SPTA1: variants seen among roughly 807,000 people sequenced by gnomAD.
The protein encoded by SPTA1 is spectrin alpha, erythrocytic 1.
SPTA1 carries 177 observed loss-of-function variants against 324.7 expected under a neutral mutation model. The observed-to-expected ratio is 0.55, with a 90% confidence interval of 0.48 to 0.62. SPTA1 has a LOEUF of 0.62. Ranked by LOEUF, SPTA1 falls within the 20% of genes least tolerant of loss-of-function variation. The pLI is 0.00. For missense variants in SPTA1, 3,162 were observed against 2,883.6 expected (o/e 1.10, Z -2.21); for synonymous variants, 1,195 against 1,041.3 (o/e 1.15, Z -2.84).
intron 16 of SPTA1, among the ~76,000 whole-genome samples, chr1:158,663,736 T>C (rs1310360917): frequency 6.6e-6 from 1 of 152,064 alleles, no homozygotes; most frequent in Non-Finnish European, 1.5e-5. Flanking sequence ...TTAGGACAAA[T>C]ACCTAATGCA....
Position 158,620,351 on chromosome 1 carries a change from C to T in SPTA1, c.6236G>A (p.Arg2079Gln), listed in dbSNP as rs754206036. Reference protein sequence around the residue: ...PVHCVSLNEIRQLQKDHEDFL... With the variant: ...PVHCVSLNEIQQLQKDHEDFL... ...GTCCTCATGGTCTTTCTGCAGCTGC[C>T]GAATTTCATTCAGGGAGACACAGTG... The change falls in exon 44 of 52, where the codon CGG (arginine) becomes CAG (glutamine). Residue 2079 changes from arginine (R) to glutamine (Q), a missense_variant. By Grantham distance (43) the Arg-to-Gln change is conservative. Transcript: ENST00000643759. 1.4e-5 allele frequency: 23 copies of T among 1,613,862 alleles called. No individual in the cohort carries two copies. Among genetic ancestry groups the T allele is most frequent in the South Asian group, 1.3e-4 (12 of 91,066 alleles).
Position 158,666,318 on chromosome 1 carries a change from G to C in SPTA1, c.2218C>G (p.Gln740Glu), listed in dbSNP as rs752758421. Residue 740 changes from glutamine to glutamate, a missense_variant and splice_region_variant, in exon 16 of 52, where the codon CAG (glutamine) becomes GAG (glutamate). Transcript: ENST00000643759. ...TGGCCAAAGAGCTAACAACAAACCT[G>C]ACGAGCAGCCACAGCCGACTCCAGG... ...GLLESAVAAR[Q>E]DQVDILTDLA... is the part of the protein sequence containing the mutation. 6.2e-7 allele frequency: 1 copy of C among 1,613,342 alleles called. No homozygotes were observed. The highest frequency in any genetic ancestry group is 8.5e-7 in the Non-Finnish European group (1 of 1,179,910).
chr1:158,664,467 G>A (rs868463301), intron 16 of SPTA1, among the ~76,000 whole-genome samples: 1 of 152,146 alleles, frequency 6.6e-6, no homozygotes, highest in Non-Finnish European at 1.5e-5. Flanking sequence ...TCATAAGTAG[G>A]AGTTGAACAA....
At chr1:158,642,259 T>C in intron 33 of SPTA1, 152 bp downstream of exon 33, 1 of 750,702 alleles carries the variant, frequency 1.3e-6, no homozygotes, top group Non-Finnish European at 1.8e-6. Context: ...TGTATACATA[T>C]GTAACAAACC....
At chr1:158,638,919 C>T (rs1316945571) in intron 35 of SPTA1, among the ~76,000 whole-genome samples, 1 of 152,102 alleles carries the variant, frequency 6.6e-6, no homozygotes, top group Admixed American at 6.6e-5. Context: ...GGGCAACATT[C>T]TTAGCTGCCC....
At chr1:158,616,267 TTCTTC>T (rs1649551540) in intron 47 of SPTA1, among the ~76,000 whole-genome samples, 1 of 152,188 alleles carries the variant, frequency 6.6e-6, no homozygotes, top group Non-Finnish European at 1.5e-5. Context: ...TCAAAGTATT[TTCTTC>T]TAGCTATTTT....
rs370169350 is a variant in SPTA1, at chr1:158,626,993, T to C, written c.5679A>G (p.Glu1893=). The change falls in exon 41 of 52, where the codon GAA becomes GAG. Residue 1893 remains glutamate, a synonymous_variant. Coordinates refer to ENST00000643759, the MANE Select transcript of SPTA1 (RefSeq NM_003126.4). ...EDILNKVLQE[E]SQNKEISSKI... Reference sequence around the variant, plus strand: ...TGGAAGAAATCTCTTTGTTCTGACTTTCCTCCTGCAACACCTGTGAGAAGG... The same window carrying C: ...TGGAAGAAATCTCTTTGTTCTGACTCTCCTCCTGCAACACCTGTGAGAAGG... The C allele has an allele frequency of 1.9e-6, 3 of 1,613,748 alleles. No homozygotes were observed. Among genetic ancestry groups the C allele is most frequent in the Non-Finnish European group, 2.5e-6 (3 of 1,179,786 alleles).
chr1:158,645,270 T>A lies in SPTA1; in HGVS notation c.4112A>T (p.Gln1371Leu). The change falls in exon 29 of 52, where the codon CAA becomes CTA. Residue 1371 changes from glutamine (Q) to leucine (L), a missense_variant. Coordinates refer to ENST00000643759, the MANE Select transcript of SPTA1 (RefSeq NM_003126.4). ...HASPEIEKKL[Q>L]AVKLERDDLE... ...ATCATCTCTCTCTAGCTTGACAGCT[T>A]GAAGCTTTTTTTCAATTTCAGGGCT... 1 of 1,614,066 alleles carries A rather than the reference T, an allele frequency of 6.2e-7. No individual in the cohort carries two copies. Among genetic ancestry groups the A allele is most frequent in the Non-Finnish European group, 8.5e-7 (1 of 1,179,964 alleles).
chr1:158,620,580 T>A, intron 43 of SPTA1, 114 bp from the exon 44 acceptor site: 1 of 1,347,100 alleles, frequency 7.4e-7, no homozygotes, highest in Non-Finnish European at 1.0e-6. Context: ...GCCACCAATC[T>A]AAAAGGGCAG....
At chr1:158,667,788 G>A in intron 15 of SPTA1, 70 bp downstream of exon 15, 3 of 1,514,016 alleles carry the variant, frequency 2.0e-6, no homozygotes, top group Non-Finnish European at 2.7e-6. Flanking sequence ...TAAATTTACA[G>A]TGGTAAAGAT....
Position 158,613,870 on chromosome 1 carries a change from A to G in SPTA1, c.6843-3T>C. 6.2e-7 allele frequency: 1 copy of G among 1,613,314 alleles called. No individual in the cohort carries two copies. Among genetic ancestry groups the G allele is most frequent in the South Asian group, 1.1e-5 (1 of 90,968 alleles). Reference sequence around the variant, plus strand: ...CTGTCAAATTCTCATCAAAGTGTCTAAAGGATAAAAAAAGAAAAAAAAATT... The same window carrying G: ...CTGTCAAATTCTCATCAAAGTGTCTGAAGGATAAAAAAAGAAAAAAAAATT... On this transcript the variant is annotated splice_polypyrimidine_tract_variant and splice_region_variant and intron_variant, in intron 49 of 51. Coordinates refer to ENST00000643759, the MANE Select transcript of SPTA1 (RefSeq NM_003126.4).
chr1:158,663,429 T>G lies in SPTA1; in HGVS notation c.2221-484A>C, dbSNP rs1653384708. On this transcript the variant is annotated intron_variant, in intron 16 of 51. Coordinates refer to ENST00000643759, the MANE Select transcript of SPTA1 (RefSeq NM_003126.4). ...TGAAACGTGATGTTATAAAAAATTG[T>G]CAGAAGCTCAGAAAGATAAATTTAA... Among the ~76,000 whole-genome samples the G allele has an allele frequency of 1.3e-5, 2 of 152,164 alleles. 1 individual carries two copies. The highest frequency in any genetic ancestry group is 4.1e-4 in the South Asian group (2 of 4,826).
Position 158,683,332 on chromosome 1 carries a change from T to C in SPTA1, c.390+39A>G, listed in dbSNP as rs767029279. On this transcript the variant is annotated intron_variant, in intron 3 of 51. Transcript: ENST00000643759. ...ATCAGTTAAAACCCTGATAACATAATCAATAATTGGAAACTTCTTCAAGGG... is the reference window on the plus strand; with the variant it reads ...ATCAGTTAAAACCCTGATAACATAACCAATAATTGGAAACTTCTTCAAGGG... 6.8e-6 allele frequency: 11 copies of C among 1,612,162 alleles called. No homozygotes were observed. In the East Asian group the frequency reaches 2.2e-4, roughly 33 times the overall value.
Position 158,676,124 on chromosome 1 carries a change from G to GGGGAGGGATTTCCCACCAATA in SPTA1, c.1108_1112+16dup. 1 of 1,613,160 alleles carries GGGGAGGGATTTCCCACCAATA rather than the reference G, an allele frequency of 6.2e-7. No homozygotes were observed. The highest frequency in any genetic ancestry group is 1.7e-5 in the Admixed American group (1 of 59,972). ...CTGTAGAGATAGGTAGAGCAATAAA[G>GGGGAGGGATTTCCCACCAATA]GGGAGGGATTTCCCACCAATAAGTA... On this transcript the variant is annotated intron_variant, in intron 8 of 51. Transcript: ENST00000643759.
intron 33 of SPTA1, among the ~76,000 whole-genome samples, chr1:158,641,190 T>C (rs1463190101): frequency 6.6e-6 from 1 of 152,042 alleles, no homozygotes; most frequent in Non-Finnish European, 1.5e-5. Flanking sequence ...ATGTTAGACC[T>C]AAAACCATAA....
At chr1:158,682,625 T>C (rs192891122) in intron 3 of SPTA1, among the ~76,000 whole-genome samples, 1 of 152,266 alleles carries the variant, frequency 6.6e-6, no homozygotes, top group Admixed American at 6.5e-5. Flanking sequence ...GACCCAGTTT[T>C]AAGATATATA....
rs1245470074 is a variant in SPTA1, at chr1:158,637,952, T to A, written c.5189+81A>T. On this transcript the variant is annotated intron_variant, in intron 36 of 51. Transcript: ENST00000643759. ...CTTCAAGAAACAAGTACAAATTTCA[T>A]TTCAGCATAAATTGGAACAAGTTTG... 2.0e-6 allele frequency: 3 copies of A among 1,467,320 alleles called. No homozygotes were observed. The East Asian group carries it at 6.8e-5, about 33-fold the overall frequency. The allele number at this position is 1,467,320 out of a possible 1,614,324, so 90.9% of individuals were successfully genotyped here.
Position 158,677,682 on chromosome 1 carries a change from C to T in SPTA1, c.957+8G>A, listed in dbSNP as rs763322885. 23 of 1,612,920 alleles carry T rather than the reference C, an allele frequency of 1.4e-5. No individual in the cohort carries two copies. Among genetic ancestry groups the T allele is most frequent in the South Asian group, 5.5e-5 (5 of 91,006 alleles). On this transcript the variant is annotated splice_region_variant and intron_variant, in intron 7 of 51. Transcript: ENST00000643759. ...AACGGGTTAGCCATTTCTCTAACAG[C>T]GCATTACCTTGTCACTCATGACAGC...
rs755562804 is a variant in SPTA1 at position 158,672,095 on chromosome 1, G to C, written c.1452C>G (p.Asp484Glu). 3.5e-5 allele frequency: 56 copies of C among 1,614,024 alleles called. No individual in the cohort carries two copies. The highest frequency in any genetic ancestry group is 4.7e-5 in the Non-Finnish European group (56 of 1,179,970). ...TCATCCAACTGTCCACTTGCTCACT[G>C]TCTCTGTAGAAGAGATGAAAGTCCA... ...QCLDFHLFYR[D>E]SEQVDSWMSR... Residue 484 changes from aspartate to glutamate, a missense_variant, in exon 11 of 52, where the codon GAC becomes GAG. By Grantham distance (45) the Asp-to-Glu change is conservative. Transcript: ENST00000643759.
Sources: allele counts gnomAD v4.1 joint callset (sites outside exome capture counted in the v4.1 genomes callset), GRCh38; gene constraint gnomAD v4.1.1; transcripts MANE v1.5; gene names NCBI Gene and HGNC (gene_info 2026-07-23, HGNC 2026-07-21).